NUBPL: variants seen among roughly 807,000 people sequenced by gnomAD.
NUBPL encodes the protein iron-sulfur cluster transfer protein NUBPL.
In NUBPL, 31 loss-of-function variants were observed where a neutral mutation model predicts 45.7. The ratio of observed to expected loss-of-function variants is 0.68; its 90% CI spans 0.51 to 0.92. The LOEUF (loss-of-function observed/expected upper bound fraction) is 0.92, where lower values mean the gene tolerates loss of function less well. Ranked by LOEUF, NUBPL falls within the 40% of genes least tolerant of loss-of-function variation. The pLI is 0.00. For synonymous variants in NUBPL, 144 were observed against 140.9 expected, an observed-to-expected ratio of 1.02 and a Z score of -0.15; for missense variants, 401 against 398.7, an observed-to-expected ratio of 1.01 and a Z score of -0.05.
intron 3 of NUBPL, among the ~76,000 whole-genome samples, chr14:31,591,317 A>G (rs1287139516): frequency 1.3e-5 from 2 of 152,084 alleles, no homozygotes; most frequent in Admixed American, 6.6e-5. Flanking sequence ...TGCCGCCACC[A>G]TGCCTGGCTA....
intron 3 of NUBPL, 36 bp downstream of exon 3, chr14:31,565,084 A>G (rs1266938504): frequency 7.7e-7 from 1 of 1,293,250 alleles, no homozygotes; most frequent in Non-Finnish European, 1.1e-6. Context: ...AATTTATTAA[A>G]ATGTTTTTAA....
intron 4 of NUBPL, among the ~76,000 whole-genome samples, chr14:31,600,434 T>C (rs192533143): frequency 6.6e-6 from 1 of 152,304 alleles, no homozygotes; most frequent in Non-Finnish European, 1.5e-5. Context: ...GTTCATCTAA[T>C]GTGCATAGCT....
At chr14:31,669,769 C>T (rs964041130) in intron 4 of NUBPL, among the ~76,000 whole-genome samples, 37 of 140,724 alleles carry the variant, frequency 2.6e-4, no homozygotes, top group Non-Finnish European at 1.5e-5. Flanking sequence ...CCAGCTCTAT[C>T]CATCTTCCTG....
chr14:31,817,986 G>GA (rs917169414), intron 7 of NUBPL, among the ~76,000 whole-genome samples: 8 of 150,646 alleles, frequency 5.3e-5, no homozygotes, highest in South Asian at 2.1e-4. Context: ...CAAATAAAAA[G>GA]AAAAAAAAGG....
intron 6 of NUBPL, among the ~76,000 whole-genome samples, chr14:31,691,717 G>T (rs978507002): frequency 2.0e-5 from 3 of 152,206 alleles, no homozygotes; most frequent in African/African-American, 7.2e-5. Flanking sequence ...GCGAACATTA[G>T]AGTAGGAGGT....
At chr14:31,741,159 C>T (rs1459049066) in intron 6 of NUBPL, among the ~76,000 whole-genome samples, 1 of 152,132 alleles carries the variant, frequency 6.6e-6, no homozygotes, top group East Asian at 1.9e-4. Flanking sequence ...TCTTAGGATT[C>T]CCTGTACTTT....
At chr14:31,624,008 A>G (rs2035139955) in intron 4 of NUBPL, among the ~76,000 whole-genome samples, 1 of 152,170 alleles carries the variant, frequency 6.6e-6, no homozygotes, top group African/African-American at 2.4e-5. Context: ...GCATTCTGGG[A>G]GGAACATTTT....
intron 7 of NUBPL, among the ~76,000 whole-genome samples, chr14:31,789,336 A>T (rs535125125): frequency 9.9e-5 from 15 of 152,188 alleles, no homozygotes; most frequent in South Asian, 2.1e-4. Context: ...CAAAAGAAAA[A>T]AAATAAATAA....
At chr14:31,844,731 C>T (rs2040426986) in intron 8 of NUBPL, 1 of 152,128 alleles carries the variant, frequency 6.6e-6, no homozygotes, top group Non-Finnish European at 1.5e-5. Context: ...TAATAATCTA[C>T]AATCATAACC....
At chr14:31,730,492 C>G (rs2038026348) in intron 6 of NUBPL, among the ~76,000 whole-genome samples, 1 of 144,494 alleles carries the variant, frequency 6.9e-6, no homozygotes, top group African/African-American at 2.6e-5. Flanking sequence ...GAGATGGAGT[C>G]TTGCACCGTC....
intron 6 of NUBPL, among the ~76,000 whole-genome samples, chr14:31,696,919 C>A (rs1444409557): frequency 6.6e-6 from 1 of 152,144 alleles, no homozygotes; most frequent in East Asian, 1.9e-4. Flanking sequence ...AGTGTCTTGT[C>A]TAACTCCAGG....
intron 6 of NUBPL, among the ~76,000 whole-genome samples, chr14:31,766,094 A>G (rs1282941921): frequency 6.6e-6 from 1 of 152,210 alleles, no homozygotes; most frequent in Non-Finnish European, 1.5e-5. Context: ...TTATATCTCA[A>G]AGCACACACA....
rs2038274059 is a variant in NUBPL at position 31,741,107 on chromosome 14, T to A, written c.514-46673T>A. The stretch of plus-strand genomic sequence containing the variant: ...TTCCAGTATTATTGCCATGTCAGTG[T>A]CTGGTTCTGATACCCTGTATCTTCA... On this transcript the variant is annotated intron_variant, in intron 6 of 10. Coordinates refer to ENST00000281081, the MANE Select transcript of NUBPL (RefSeq NM_025152.3). Among the ~76,000 whole-genome samples the A allele has an allele frequency of 2.0e-5, 3 of 152,252 alleles. No individual in the cohort carries two copies. The South Asian group carries it at 6.2e-4, about 31-fold the overall frequency.
chr14:31,776,940 T>C (rs1047485262), intron 6 of NUBPL, among the ~76,000 whole-genome samples: 1 of 152,216 alleles, frequency 6.6e-6, no homozygotes, highest in Non-Finnish European at 1.5e-5. Context: ...TGAACATTGT[T>C]TGTTTCAGAG....
intron 6 of NUBPL, among the ~76,000 whole-genome samples, chr14:31,775,131 A>G (rs1292723563): frequency 6.6e-6 from 1 of 152,128 alleles, no homozygotes; most frequent in South Asian, 2.1e-4. Context: ...TTTGGATCCA[A>G]AAGTGGCTGG....
At chr14:31,730,878 T>A (rs2038035107) in intron 6 of NUBPL, among the ~76,000 whole-genome samples, 1 of 152,200 alleles carries the variant, frequency 6.6e-6, no homozygotes, top group Non-Finnish European at 1.5e-5. Flanking sequence ...AATGTGTCAG[T>A]TTATTTTTTT....
At chr14:31,661,730 C>T (rs575019953) in intron 4 of NUBPL, among the ~76,000 whole-genome samples, 6 of 152,080 alleles carry the variant, frequency 3.9e-5, no homozygotes, top group East Asian at 3.9e-4. Context: ...TTAGTAGAGA[C>T]GGGGTTTCAC....
intron 4 of NUBPL, among the ~76,000 whole-genome samples, chr14:31,612,750 TATC>T (rs1382942125): frequency 6.6e-6 from 1 of 152,146 alleles, no homozygotes; most frequent in Non-Finnish European, 1.5e-5. Flanking sequence ...TCCAGTGAGA[TATC>T]ATCTCCCTTT....
chr14:31,702,323 T>C (rs1057146334), intron 6 of NUBPL, among the ~76,000 whole-genome samples: 3 of 152,212 alleles, frequency 2.0e-5, no homozygotes, highest in African/African-American at 7.2e-5. Flanking sequence ...GGCTCCGTGA[T>C]AGGGGCATGA....
Sources: gnomAD v4.1 joint callset for allele counts (sites outside exome capture counted in the v4.1 genomes callset) on GRCh38, gnomAD v4.1.1 for gene constraint, MANE v1.5 for transcripts, NCBI Gene and HGNC (gene_info 2026-07-23, HGNC 2026-07-21) for gene names.